SPAG16: variants seen among roughly 807,000 people sequenced by gnomAD.
The protein encoded by SPAG16 is sperm associated antigen 16.
In SPAG16, 86 loss-of-function variants were observed where a neutral mutation model predicts 80.4. That is an observed-to-expected ratio of 1.07 (90% CI 0.90 to 1.28). The LOEUF (loss-of-function observed/expected upper bound fraction) is 1.28, where lower values mean the gene tolerates loss of function less well. SPAG16 is among the 50% of genes most tolerant of loss of function. The pLI is 0.00. For missense variants in SPAG16, 870 were observed against 765.3 expected, an observed-to-expected ratio of 1.14 and a Z score of -1.61; for synonymous variants, 294 against 265.9, an observed-to-expected ratio of 1.11 and a Z score of -1.03.
At chr2:213,607,867 G>A (rs531044331) in intron 10 of SPAG16, among the ~76,000 whole-genome samples, 2 of 152,310 alleles carry the variant, frequency 1.3e-5, no homozygotes, top group South Asian at 4.2e-4. Flanking sequence ...ATTTTAGGAA[G>A]TCATTTAAGT....
At chr2:214,056,786 G>T (rs1337988269) in intron 13 of SPAG16, among the ~76,000 whole-genome samples, 10 of 152,154 alleles carry the variant, frequency 6.6e-5, no homozygotes, top group Non-Finnish European at 1.2e-4. Context: ...TTAAAAATTG[G>T]AGTCAATCCT....
chr2:214,109,880 G>A lies in SPAG16; in HGVS notation c.1593+1619G>A, dbSNP rs61054165. Among the ~76,000 whole-genome samples, 1,450 of 152,230 alleles carry A rather than the reference G, an allele frequency of 9.5e-3. 31 individuals are homozygous for A. Among genetic ancestry groups the A allele is most frequent in the African/African-American group, 0.033 (1,366 of 41,532 alleles). ...TTATGCTGAAAGTCCATTAAGTGGC[G>A]TATAGCTTCACATGCCCTACAAAAA... On this transcript the variant is annotated intron_variant, in intron 14 of 15. Transcript: ENST00000331683.
chr2:213,851,103 CT>C (rs2074882507), intron 10 of SPAG16, among the ~76,000 whole-genome samples: 1 of 152,012 alleles, frequency 6.6e-6, no homozygotes, highest in Admixed American at 6.6e-5. Context: ...TAAAATGTTG[CT>C]GTCTAATTTA....
intron 10 of SPAG16, among the ~76,000 whole-genome samples, chr2:213,654,774 C>CT (rs2063160008): frequency 6.6e-6 from 1 of 151,518 alleles, no homozygotes; most frequent in Non-Finnish European, 1.5e-5. Flanking sequence ...TTAAAAACAG[C>CT]AGTTCTCCTA....
At chr2:213,632,993 GT>G (rs1436127233) in intron 10 of SPAG16, among the ~76,000 whole-genome samples, 3 of 152,174 alleles carry the variant, frequency 2.0e-5, no homozygotes, top group Non-Finnish European at 4.4e-5. Context: ...TGTAGAAGGA[GT>G]TTGGAAGTAC....
At chr2:213,896,580 ACACACACACACG>A (rs2076998483) in intron 11 of SPAG16, among the ~76,000 whole-genome samples, 2 of 76,640 alleles carry the variant, frequency 2.6e-5, no homozygotes, top group Non-Finnish European at 6.0e-5. Flanking sequence ...TGTGATATAT[ACACACACACACG>A]CACACACACA....
chr2:213,582,069 G>C (rs2060315411), intron 10 of SPAG16, among the ~76,000 whole-genome samples: 1 of 152,066 alleles, frequency 6.6e-6, no homozygotes, highest in East Asian at 1.9e-4. Context: ...GCAATCTCAA[G>C]TCAACTTAAC....
At chr2:213,794,550 T>C (rs2070904510) in intron 10 of SPAG16, among the ~76,000 whole-genome samples, 1 of 152,136 alleles carries the variant, frequency 6.6e-6, no homozygotes, top group South Asian at 2.1e-4. Flanking sequence ...TAAACTTTTC[T>C]TCCCGAAATA....
chr2:213,662,570 T>C (rs2063465625), intron 10 of SPAG16, among the ~76,000 whole-genome samples: 1 of 152,138 alleles, frequency 6.6e-6, no homozygotes, highest in Non-Finnish European at 1.5e-5. Flanking sequence ...AGGAATATAA[T>C]ATGACATATT....
intron 10 of SPAG16, among the ~76,000 whole-genome samples, chr2:213,765,230 G>C (rs566264176): frequency 6.6e-6 from 1 of 152,112 alleles, no homozygotes; most frequent in Non-Finnish European, 1.5e-5. Flanking sequence ...TTAGCTGGGC[G>C]TGGTGGTGCA....
intron 15 of SPAG16, among the ~76,000 whole-genome samples, chr2:214,194,842 TTAC>T (rs1276974060): frequency 1.3e-5 from 2 of 152,050 alleles, no homozygotes; most frequent in African/African-American, 4.8e-5. Flanking sequence ...TTCTGCACAT[TTAC>T]TACTACGACT....
chr2:214,160,447 C>T (rs535309920), intron 15 of SPAG16, among the ~76,000 whole-genome samples: 2 of 151,892 alleles, frequency 1.3e-5, no homozygotes, highest in South Asian at 2.1e-4. Context: ...TGTTCTTACT[C>T]CCCCTTAGCT....
At chr2:213,588,681 A>G (rs1413853831) in intron 10 of SPAG16, among the ~76,000 whole-genome samples, 26 of 151,318 alleles carry the variant, frequency 1.7e-4, no homozygotes, top group African/African-American at 2.4e-5. Flanking sequence ...GGGCGCCTGT[A>G]GTCCCAGCTA....
intron 10 of SPAG16, among the ~76,000 whole-genome samples, chr2:213,839,514 G>A (rs1047814034): frequency 6.6e-6 from 1 of 152,102 alleles, no homozygotes; most frequent in Admixed American, 6.5e-5. Context: ...TTTAAAATAA[G>A]TGATCCTTAT....
chr2:214,265,828 T>TTAAG (rs1180708167), intron 15 of SPAG16, among the ~76,000 whole-genome samples: 7 of 152,128 alleles, frequency 4.6e-5, no homozygotes, highest in Admixed American at 3.9e-4. Flanking sequence ...GATTTTAATG[T>TTAAG]TAAGTTCTCA....
In SPAG16 at chr2:213,364,257, C is replaced by G; in HGVS notation, c.832+112C>G. 4.2e-6 allele frequency: 2 copies of G among 478,900 alleles called. 1 individual carries two copies. The highest frequency in any genetic ancestry group is 7.0e-6 in the Non-Finnish European group (2 of 287,214). The allele number at this position is 478,900 out of a possible 1,614,324, so 29.7% of individuals were successfully genotyped here. On this transcript the variant is annotated intron_variant, in intron 8 of 15. Transcript: ENST00000331683. ...AAAGGTGAGTAAGTGGTGGCTATTTCACAAATTAAAATTTTAATAAAAAGA... is the reference window on the plus strand; with the variant it reads ...AAAGGTGAGTAAGTGGTGGCTATTTGACAAATTAAAATTTTAATAAAAAGA...
At chr2:214,118,444 T>C (rs187497334) in intron 14 of SPAG16, among the ~76,000 whole-genome samples, 136 of 152,290 alleles carry the variant, frequency 8.9e-4, no homozygotes, top group African/African-American at 3.2e-3. Flanking sequence ...TGCCTGAGAC[T>C]GAATAATTTA....
intron 10 of SPAG16, among the ~76,000 whole-genome samples, chr2:213,668,342 A>G (rs570310157): frequency 2.0e-5 from 3 of 151,338 alleles, no homozygotes; most frequent in Non-Finnish European, 4.4e-5. Context: ...TACATAGACT[A>G]TTGGTCTTAG....
At chr2:214,082,695 T>C (rs1290120819) in intron 13 of SPAG16, among the ~76,000 whole-genome samples, 1 of 152,198 alleles carries the variant, frequency 6.6e-6, no homozygotes, top group Non-Finnish European at 1.5e-5. Flanking sequence ...TACCTTCAGA[T>C]ATTCTAATTT....
Sources: allele counts gnomAD v4.1 joint callset (sites outside exome capture counted in the v4.1 genomes callset), GRCh38; gene constraint gnomAD v4.1.1; transcripts MANE v1.5; gene names NCBI Gene and HGNC (gene_info 2026-07-23, HGNC 2026-07-21).